Variants in CLMN observed in about 807,000 individuals in gnomAD.
CLMN encodes calmin (calponin-like, transmembrane).
Under a neutral mutation model 92.7 loss-of-function variants are expected in CLMN, and 57 were observed. The observed-to-expected ratio is 0.61, with a 90% CI of 0.50 to 0.77. The LOEUF (loss-of-function observed/expected upper bound fraction) is 0.77. Ranked by LOEUF, CLMN falls within the 30% of genes least tolerant of loss-of-function variation. CLMN has a pLI of 0.00. For synonymous variants in CLMN, 466 were observed against 470.6 expected (o/e 0.99, Z 0.13); for missense variants, 1,158 against 1,237.5 (o/e 0.94, Z 0.96).
intron 8 of CLMN, among the ~76,000 whole-genome samples, chr14:95,207,500 A>C (rs1407077077): frequency 6.6e-6 from 1 of 152,222 alleles, no homozygotes; most frequent in Non-Finnish European, 1.5e-5. Flanking sequence ...ATACCCATTG[A>C]CCAAGTCACC....
chr14:95,193,540 T>A (rs1896613444), intron 12 of CLMN: 1 of 688,840 alleles, frequency 1.5e-6, no homozygotes, highest in Non-Finnish European at 2.4e-6. Flanking sequence ...CCTATACCAC[T>A]AAACCACCCT....
At chr14:95,314,728 G>A (rs1038001222) in intron 1 of CLMN, among the ~76,000 whole-genome samples, 7 of 152,184 alleles carry the variant, frequency 4.6e-5, no homozygotes, top group African/African-American at 1.7e-4. Context: ...ATGAGATAGG[G>A]ATGGAGCTGG....
At chr14:95,319,489 G>A (rs1033547156) in intron 1 of CLMN, among the ~76,000 whole-genome samples, 1 of 152,138 alleles carries the variant, frequency 6.6e-6, no homozygotes, top group Non-Finnish European at 1.5e-5. Context: ...ACACACACAC[G>A]TGTGGCGCCC....
chr14:95,283,579 G>A (rs1900222425), intron 1 of CLMN, among the ~76,000 whole-genome samples: 1 of 152,180 alleles, frequency 6.6e-6, no homozygotes, highest in Non-Finnish European at 1.5e-5. Flanking sequence ...CCAAAATGCT[G>A]ATAGCAACAT....
intron 1 of CLMN, among the ~76,000 whole-genome samples, chr14:95,303,443 A>G (rs1195085711): frequency 6.6e-6 from 1 of 152,194 alleles, no homozygotes; most frequent in Non-Finnish European, 1.5e-5. Context: ...CAGTCCACTG[A>G]TGGGCAATTA....
chr14:95,285,526 T>G (rs1195566637), intron 1 of CLMN, among the ~76,000 whole-genome samples: 1 of 152,228 alleles, frequency 6.6e-6, no homozygotes, highest in African/African-American at 2.4e-5. Context: ...TGCTGTCTTC[T>G]GTGCTGTTGA....
intron 4 of CLMN, among the ~76,000 whole-genome samples, chr14:95,220,169 CTTTT>C (rs767326601): frequency 7.0e-5 from 5 of 71,796 alleles, no homozygotes; most frequent in African/African-American, 3.0e-4. Flanking sequence ...GGATAGGTCC[CTTTT>C]TTTTTTTTTT....
chr14:95,199,755 G>A (rs1175717516), intron 9 of CLMN, among the ~76,000 whole-genome samples: 3 of 152,184 alleles, frequency 2.0e-5, no homozygotes, highest in Non-Finnish European at 4.4e-5. Flanking sequence ...TCTGGGAGGA[G>A]GTGCCATTTG....
Position 95,259,823 on chromosome 14 carries a change from T to G in CLMN, c.83-29690A>C, listed in dbSNP as rs1899179004. On this transcript the variant is annotated intron_variant, in intron 1 of 12. Coordinates refer to ENST00000298912, the MANE Select transcript of CLMN (RefSeq NM_024734.4). The surrounding 1 kb of genome is among the most constrained non-coding windows in gnomAD (Gnocchi z 4.3). ...TTCAGCATTAAAATGCATGGCCAGCTGCACCTGCGTTTCCTCTCCCCACAC... is the reference window on the plus strand; with the variant it reads ...TTCAGCATTAAAATGCATGGCCAGCGGCACCTGCGTTTCCTCTCCCCACAC... Among the ~76,000 whole-genome samples, 1 of 152,232 alleles carries G rather than the reference T, an allele frequency of 6.6e-6. No individual in the cohort carries two copies. The highest frequency in any genetic ancestry group is 2.1e-4 in the South Asian group (1 of 4,832).
rs370060896 is a variant in CLMN, at chr14:95,277,846, C to T, written c.82+41865G>A. On this transcript the variant is annotated intron_variant, in intron 1 of 12. Transcript: ENST00000298912. The stretch of plus-strand genomic sequence containing the variant: ...TTCACCATATTGGTCAGGCTGGTCT[C>T]GAACTCCTAACTTCAGGTCATCCAC... Among the ~76,000 whole-genome samples the T allele has an allele frequency of 4.9e-4, 74 of 152,276 alleles. 5 individuals are homozygous for T. Among genetic ancestry groups the T allele is most frequent in the South Asian group, 4.4e-3 (21 of 4,824 alleles).
intron 1 of CLMN, among the ~76,000 whole-genome samples, chr14:95,291,575 C>T (rs541842838): frequency 4.6e-5 from 7 of 152,314 alleles, no homozygotes; most frequent in African/African-American, 1.7e-4. Flanking sequence ...GTCAGACTGG[C>T]CCCAGCAAAC....
chr14:95,257,163 A>G (rs904137002), intron 1 of CLMN, among the ~76,000 whole-genome samples: 5 of 152,214 alleles, frequency 3.3e-5, no homozygotes, highest in Admixed American at 2.6e-4. Flanking sequence ...TCCTGGGTTG[A>G]CGTTTGCACG....
At position 95,316,711 on chromosome 14, in the gene CLMN, G is replaced by A. The variant is rs535302924; in HGVS notation, c.82+3000C>T. ...TTATGGATATATGGAAAGATACAAAGATATAGCTCTATTATTAAACTATTC... is the reference window on the plus strand; with the variant it reads ...TTATGGATATATGGAAAGATACAAAAATATAGCTCTATTATTAAACTATTC... On this transcript the variant is annotated intron_variant, in intron 1 of 12. Coordinates refer to ENST00000298912, the MANE Select transcript of CLMN (RefSeq NM_024734.4). Among the ~76,000 whole-genome samples, 40 of 152,196 alleles carry A rather than the reference G, an allele frequency of 2.6e-4. 1 individual carries two copies. The highest frequency in any genetic ancestry group is 2.1e-4 in the Non-Finnish European group (14 of 68,036).
intron 1 of CLMN, among the ~76,000 whole-genome samples, chr14:95,300,890 C>A (rs551392522): frequency 6.6e-6 from 1 of 152,168 alleles, no homozygotes; most frequent in Non-Finnish European, 1.5e-5. Context: ...ACCGAGCAGA[C>A]GCTCAATAAA....
intron 6 of CLMN, among the ~76,000 whole-genome samples, chr14:95,213,003 TG>T (rs1897240543): frequency 6.6e-6 from 1 of 152,132 alleles, no homozygotes; most frequent in Non-Finnish European, 1.5e-5. Context: ...TTAGCCAGGA[TG>T]GTCTTGATCC....
intron 1 of CLMN, among the ~76,000 whole-genome samples, chr14:95,232,554 TCA>T (rs1159029728): frequency 5.3e-5 from 8 of 152,242 alleles, no homozygotes; most frequent in African/African-American, 1.4e-4. Context: ...TGCTTTTCTC[TCA>T]GTTTCCTCCT....
At chr14:95,199,330 CA>C (rs1475438736) in intron 9 of CLMN, 1 of 152,220 alleles carries the variant, frequency 6.6e-6, no homozygotes, top group Non-Finnish European at 1.5e-5. Flanking sequence ...ACCAACTACT[CA>C]ACTGTCAATA....
At chr14:95,244,161 C>A (rs1898369971) in intron 1 of CLMN, among the ~76,000 whole-genome samples, 1 of 152,154 alleles carries the variant, frequency 6.6e-6, no homozygotes, top group Non-Finnish European at 1.5e-5. Flanking sequence ...CCAATTAAAC[C>A]TCTTTTCTTT....
intron 1 of CLMN, among the ~76,000 whole-genome samples, chr14:95,253,601 GTTTT>G: frequency 7.3e-6 from 1 of 137,026 alleles, no homozygotes; most frequent in African/African-American, 2.8e-5. Flanking sequence ...TTAACACAGT[GTTTT>G]TTTGTTTTTT....
Sources: gnomAD v4.1 joint callset for allele counts (sites outside exome capture counted in the v4.1 genomes callset) on GRCh38, gnomAD v4.1.1 for gene constraint, Gnocchi (gnomAD v3.1) non-coding constraint, MANE v1.5 for transcripts, NCBI Gene and HGNC (gene_info 2026-07-23, HGNC 2026-07-21) for gene names.